Variants in NAV3 observed in about 807,000 individuals in gnomAD.
NAV3 encodes pore membrane and/or filament interacting like protein 1.
In NAV3, 87 loss-of-function variants were observed where a neutral mutation model predicts 244.7. The ratio of observed to expected loss-of-function variants is 0.36; its 90% CI spans 0.30 to 0.42. NAV3 has a LOEUF of 0.42. Among genes scored for constraint, NAV3 ranks in the 20% least tolerant of loss-of-function variants. NAV3 has a pLI of 1.00. For synonymous variants in NAV3, 1,126 were observed against 1,042.2 expected, an observed-to-expected ratio of 1.08 and a Z score of -1.55; for missense variants, 2,663 against 2,893.3, an observed-to-expected ratio of 0.92 and a Z score of 1.83.
At chr12:78,189,430 T>C (rs1958872339) in intron 33 of NAV3, among the ~76,000 whole-genome samples, 1 of 151,726 alleles carries the variant, frequency 6.6e-6, no homozygotes, top group South Asian at 2.1e-4. Context: ...CTTTCTTAAT[T>C]CCTTGCCAAA....
intron 1 of NAV3, among the ~76,000 whole-genome samples, chr12:77,863,716 C>G (rs993514432): frequency 7.0e-6 from 1 of 142,130 alleles, no homozygotes; most frequent in Non-Finnish European, 1.6e-5. Context: ...GTTTGAATTT[C>G]TTACAATGAA....
At chr12:77,695,052 GC>G (rs1875232095) in intron 2 of NAV3, among the ~76,000 whole-genome samples, 1 of 152,270 alleles carries the variant, frequency 6.6e-6, no homozygotes, top group South Asian at 2.1e-4. Context: ...AACTTTATAA[GC>G]CATGCTAAAA....
intron 12 of NAV3, among the ~76,000 whole-genome samples, chr12:78,068,286 G>A (rs2137567944): frequency 6.6e-6 from 1 of 151,744 alleles, no homozygotes; most frequent in Admixed American, 6.6e-5. Context: ...TATGTTTTAA[G>A]TATTATTCAT....
intron 2 of NAV3, among the ~76,000 whole-genome samples, chr12:77,638,265 A>C (rs61932077): frequency 0.23 from 34,796 of 152,096 alleles, 4,411 homozygotes; most frequent in African/African-American, 0.34. Flanking sequence ...GGGAATGGTT[A>C]CCCCTGCTTT....
intron 1 of NAV3, among the ~76,000 whole-genome samples, chr12:77,859,419 T>C (rs1426993607): frequency 6.6e-6 from 1 of 152,022 alleles, no homozygotes; most frequent in Admixed American, 6.6e-5. Flanking sequence ...CTTTGAGATA[T>C]GGCTTTTGGC....
At chr12:77,864,977 C>T (rs1879793962) in intron 1 of NAV3, among the ~76,000 whole-genome samples, 1 of 151,984 alleles carries the variant, frequency 6.6e-6, no homozygotes, top group African/African-American at 2.4e-5. Context: ...AGCATTTACT[C>T]TTCTCTAGGA....
intron 2 of NAV3, among the ~76,000 whole-genome samples, chr12:77,705,180 A>T (rs2137221178): frequency 6.6e-6 from 1 of 152,332 alleles, no homozygotes; most frequent in African/African-American, 2.4e-5. Context: ...GCACTTTGGG[A>T]GGCCAAGGTA....
At chr12:77,879,815 C>G (rs970312612) in intron 1 of NAV3, among the ~76,000 whole-genome samples, 2 of 150,962 alleles carry the variant, frequency 1.3e-5, no homozygotes, top group Non-Finnish European at 2.9e-5. Context: ...TATAACTTTT[C>G]AAAAAGTGTT....
At chr12:77,778,599 G>A (rs541497851) in intron 2 of NAV3, among the ~76,000 whole-genome samples, 11 of 143,446 alleles carry the variant, frequency 7.7e-5, no homozygotes, top group African/African-American at 1.0e-4. Context: ...GCAACAGAGC[G>A]AGACTCCGTC....
chr12:77,840,062 G>A (rs1875368133), intron 1 of NAV3, among the ~76,000 whole-genome samples: 1 of 152,052 alleles, frequency 6.6e-6, no homozygotes, highest in South Asian at 2.1e-4. Context: ...GATAGAGTAA[G>A]AATCTGTCTA....
intron 24 of NAV3, among the ~76,000 whole-genome samples, chr12:78,171,491 T>C (rs1252122410): frequency 1.3e-5 from 2 of 151,590 alleles, no homozygotes; most frequent in Admixed American, 1.3e-4. Context: ...AATATCTAAA[T>C]TGATCAAGAA....
At chr12:77,751,511 T>C (rs1312089930) in intron 2 of NAV3, among the ~76,000 whole-genome samples, 1 of 152,208 alleles carries the variant, frequency 6.6e-6, no homozygotes, top group East Asian at 1.9e-4. Flanking sequence ...GATGTTTTTA[T>C]AAGGGACTTT....
intron 2 of NAV3, among the ~76,000 whole-genome samples, chr12:77,610,687 C>A (rs77555636): frequency 0.02 from 3,093 of 152,124 alleles, 67 homozygotes; most frequent in East Asian, 0.11. Context: ...AAGAACATTT[C>A]ATATGTGACT....
intron 39 of NAV3, among the ~76,000 whole-genome samples, chr12:78,210,077 C>A (rs564948366): frequency 3.3e-5 from 5 of 152,152 alleles, no homozygotes; most frequent in Non-Finnish European, 7.3e-5. Flanking sequence ...GGAAGCTTGG[C>A]GTACTTTCCA....
chr12:77,574,068 C>G (rs1397294325), intron 2 of NAV3, among the ~76,000 whole-genome samples: 2 of 152,090 alleles, frequency 1.3e-5, no homozygotes, highest in African/African-American at 2.4e-5. Context: ...CATAATTCTG[C>G]AAGAAGTGTA....
At chr12:77,664,594 A>T (rs991350894) in intron 2 of NAV3, among the ~76,000 whole-genome samples, 23 of 152,226 alleles carry the variant, frequency 1.5e-4, no homozygotes, top group African/African-American at 5.3e-4. Context: ...TAAGGTTTAC[A>T]CTTACAGTTC....
intron 2 of NAV3, among the ~76,000 whole-genome samples, chr12:77,662,083 T>C (rs984644904): frequency 8.6e-5 from 13 of 152,034 alleles, no homozygotes; most frequent in African/African-American, 3.1e-4. Context: ...TTTACAATAA[T>C]TTTTGCTGGG....
At chr12:78,111,521 A>G (rs1458850568) in intron 12 of NAV3, among the ~76,000 whole-genome samples, 3 of 152,284 alleles carry the variant, frequency 2.0e-5, no homozygotes, top group African/African-American at 4.8e-5. Flanking sequence ...AATGTTCGAC[A>G]TCGTTAGTCA....
Position 77,608,290 on chromosome 12 carries a change from T to C in NAV3, c.72+36024T>C, listed in dbSNP as rs1345734518. 4.6e-5 allele frequency among the ~76,000 whole-genome samples: 7 copies of C among 152,232 alleles called. No individual in the cohort carries two copies. In the East Asian group the frequency reaches 1.2e-3, roughly 25 times the overall value. On this transcript the variant is annotated intron_variant, in intron 2 of 8. Coordinates refer to the NAV3 transcript ENST00000550042. ...AGATCCAGGAAAATGAGGAAAGATG[T>C]GCAATCTCATTATTGTTCCCATATT...
Sources: allele counts gnomAD v4.1 joint callset (sites outside exome capture counted in the v4.1 genomes callset), GRCh38; gene constraint gnomAD v4.1.1; transcripts MANE v1.5; gene names NCBI Gene and HGNC (gene_info 2026-07-23, HGNC 2026-07-21).